Variants in ZRANB3 observed in about 807,000 individuals in gnomAD.
ZRANB3 encodes the protein zinc finger RANBP2-type containing 3.
Under a neutral mutation model 133.8 loss-of-function variants are expected in ZRANB3, and 125 were observed. The observed-to-expected ratio is 0.93, with a 90% confidence interval of 0.81 to 1.08. ZRANB3 has a LOEUF of 1.08. ZRANB3 is among the 50% of genes least tolerant of loss of function. ZRANB3 has a pLI of 0.00. For missense variants in ZRANB3, 1,229 were observed against 1,275.5 expected (o/e 0.96, Z 0.56); for synonymous variants, 387 against 432.7 (o/e 0.89, Z 1.31).
chr2:135,227,672 G>T, intron 14 of ZRANB3, 140 bp downstream of exon 14: 2 of 814,868 alleles, frequency 2.5e-6, no homozygotes, highest in Non-Finnish European at 3.8e-6. Flanking sequence ...TAAGTATGTG[G>T]TTACAAATGG....
At chr2:135,365,056 T>A (rs1425618150) in intron 3 of ZRANB3, among the ~76,000 whole-genome samples, 4 of 142,776 alleles carry the variant, frequency 2.8e-5, no homozygotes, top group East Asian at 2.1e-4. Flanking sequence ...AAAAAAAAAA[T>A]AAATAAAATG....
chr2:135,303,217 C>T (rs1682524553), intron 8 of ZRANB3, among the ~76,000 whole-genome samples: 1 of 152,056 alleles, frequency 6.6e-6, no homozygotes, highest in Admixed American at 6.5e-5. Context: ...TTTTTACCAC[C>T]ATGTGTTCAA....
At chr2:135,476,878 A>G (rs1691523106) in intron 2 of ZRANB3, among the ~76,000 whole-genome samples, 1 of 151,500 alleles carries the variant, frequency 6.6e-6, no homozygotes, top group Non-Finnish European at 1.5e-5. Context: ...CTAATTTTTA[A>G]TTTTTATTTA....
At chr2:135,477,277 G>C (rs913926722) in intron 2 of ZRANB3, among the ~76,000 whole-genome samples, 1 of 152,202 alleles carries the variant, frequency 6.6e-6, no homozygotes, top group Non-Finnish European at 1.5e-5. Context: ...GCGATGATTA[G>C]AGGGGAAAAC....
At chr2:135,285,625 T>C (rs1182078471) in intron 8 of ZRANB3, among the ~76,000 whole-genome samples, 1 of 152,262 alleles carries the variant, frequency 6.6e-6, no homozygotes, top group Non-Finnish European at 1.5e-5. Flanking sequence ...ATTTGCCTTC[T>C]GGAAAGTTGT....
intron 15 of ZRANB3, among the ~76,000 whole-genome samples, chr2:135,223,521 T>C (rs1573702650): frequency 6.6e-6 from 1 of 151,562 alleles, no homozygotes; most frequent in South Asian, 2.1e-4. Flanking sequence ...AGGTGGGGGG[T>C]TTCACCACGT....
chr2:135,207,088 C>G (rs749969446), intron 19 of ZRANB3, among the ~76,000 whole-genome samples: 3 of 151,912 alleles, frequency 2.0e-5, no homozygotes, highest in Non-Finnish European at 2.9e-5. Flanking sequence ...TCGCTTGAAC[C>G]CAGGTGGCAG....
chr2:135,254,004 A>T (rs1322973299), intron 12 of ZRANB3, among the ~76,000 whole-genome samples: 5 of 152,200 alleles, frequency 3.3e-5, no homozygotes, highest in African/African-American at 1.2e-4. Context: ...ACTTTTTGGC[A>T]TGGCAAGTGT....
intron 1 of ZRANB3, among the ~76,000 whole-genome samples, chr2:135,512,658 A>T (rs1033071781): frequency 4.6e-5 from 7 of 151,954 alleles, no homozygotes; most frequent in African/African-American, 1.4e-4. Flanking sequence ...CATATTATAC[A>T]TGCCAAAGTA....
At chr2:135,388,432 T>C (rs537508809) in intron 3 of ZRANB3, among the ~76,000 whole-genome samples, 6 of 152,112 alleles carry the variant, frequency 3.9e-5, no homozygotes, top group African/African-American at 7.2e-5. Context: ...TTCTACAACA[T>C]CAAAATGAGG....
intron 12 of ZRANB3, among the ~76,000 whole-genome samples, chr2:135,235,298 G>A (rs1695235986): frequency 6.6e-6 from 1 of 152,114 alleles, no homozygotes; most frequent in Non-Finnish European, 1.5e-5. Context: ...ATAATTAATA[G>A]CTTACCAACC....
intron 8 of ZRANB3, among the ~76,000 whole-genome samples, chr2:135,297,318 A>G (rs1682178779): frequency 6.6e-6 from 1 of 152,112 alleles, no homozygotes; most frequent in South Asian, 2.1e-4. Context: ...TTGCAGTTTG[A>G]TCTCAGACTG....
intron 2 of ZRANB3, among the ~76,000 whole-genome samples, chr2:135,459,005 A>G (rs1251632117): frequency 2.0e-5 from 3 of 152,158 alleles, no homozygotes; most frequent in Non-Finnish European, 4.4e-5. Flanking sequence ...TCCCAAAGAC[A>G]CTGTGGTTTG....
Position 135,316,783 on chromosome 2 carries a change from T to C in ZRANB3, c.678-1253A>G, listed in dbSNP as rs370830285. Reference sequence around the variant, plus strand: ...GAGATTGAGACCATCCTGGCCAACATAGTGAGACCCTGTCTCTGCTAAAAA... The same window carrying C: ...GAGATTGAGACCATCCTGGCCAACACAGTGAGACCCTGTCTCTGCTAAAAA... On this transcript the variant is annotated intron_variant, in intron 6 of 20. Coordinates refer to ENST00000264159, the MANE Select transcript of ZRANB3 (RefSeq NM_032143.4). 7.2e-4 allele frequency among the ~76,000 whole-genome samples: 109 copies of C among 151,866 alleles called. 2 individuals carry two copies. The South Asian group carries it at 0.022, about 31-fold the overall frequency.
rs577561860 is a variant in ZRANB3 at position 135,229,460 on chromosome 2, C to T, written c.1954+1053G>A. 5.1e-3 allele frequency among the ~76,000 whole-genome samples: 777 copies of T among 151,334 alleles called. 4 individuals are homozygous for T. The highest frequency in any genetic ancestry group is 0.01 in the Middle Eastern group (3 of 294). On this transcript the variant is annotated intron_variant, in intron 13 of 20. Transcript: ENST00000264159. ...TCGGCTCACTGCAAGCTCCGCCTCC[C>T]GGGTTCACGCCATTCTCCTGCCTCA...
At chr2:135,300,388 G>T (rs545375019) in intron 8 of ZRANB3, among the ~76,000 whole-genome samples, 33 of 151,810 alleles carry the variant, frequency 2.2e-4, no homozygotes, top group African/African-American at 8.0e-4. Flanking sequence ...CCATCATCAG[G>T]TGGCTTTAAA....
intron 17 of ZRANB3, among the ~76,000 whole-genome samples, chr2:135,212,209 A>G (rs529280664): frequency 1.3e-4 from 20 of 152,330 alleles, no homozygotes; most frequent in African/African-American, 4.8e-4. Context: ...GTCGTAGTTA[A>G]AGCACAGTAA....
intron 14 of ZRANB3, among the ~76,000 whole-genome samples, chr2:135,226,846 C>T (rs1348692442): frequency 6.6e-6 from 1 of 152,160 alleles, no homozygotes; most frequent in Non-Finnish European, 1.5e-5. Flanking sequence ...GTATAACCCA[C>T]CTGAGTCTAC....
chr2:135,359,544 C>T (rs1407609031), intron 3 of ZRANB3, among the ~76,000 whole-genome samples: 8 of 147,546 alleles, frequency 5.4e-5, no homozygotes, highest in Non-Finnish European at 1.0e-4. Context: ...TACCACGTCA[C>T]TGCACTCCAG....
Sources: allele counts gnomAD v4.1 joint callset (sites outside exome capture counted in the v4.1 genomes callset), GRCh38; gene constraint gnomAD v4.1.1; transcripts MANE v1.5; gene names NCBI Gene and HGNC (gene_info 2026-07-23, HGNC 2026-07-21).